Variants in KCNH5 observed in about 807,000 individuals in gnomAD.
The protein encoded by KCNH5 is voltage-gated delayed rectifier potassium channel KCNH5.
In KCNH5, 46 loss-of-function variants were observed where a neutral mutation model predicts 96.1. The ratio of observed to expected loss-of-function variants is 0.48; its 90% CI spans 0.38 to 0.61. The LOEUF (loss-of-function observed/expected upper bound fraction) is 0.61, where lower values mean the gene tolerates loss of function less well. Ranked by LOEUF, KCNH5 falls within the 20% of genes least tolerant of loss-of-function variation. The pLI, the probability that KCNH5 is intolerant of heterozygous loss-of-function variation, is 0.00. For synonymous variants in KCNH5, 439 were observed against 449.8 expected (o/e 0.98, Z 0.30); for missense variants, 907 against 1,225.8 (o/e 0.74, Z 3.88).
intron 10 of KCNH5, among the ~76,000 whole-genome samples, chr14:62,749,571 T>G (rs1252008963): frequency 1.3e-5 from 2 of 152,222 alleles, no homozygotes; most frequent in Non-Finnish European, 2.9e-5. Flanking sequence ...ATTCAAGAAG[T>G]GTGTTTTGCA....
At chr14:62,874,485 T>C (rs1376775994) in intron 7 of KCNH5, among the ~76,000 whole-genome samples, 1 of 152,120 alleles carries the variant, frequency 6.6e-6, no homozygotes, top group Non-Finnish European at 1.5e-5. Context: ...TCAGAAAGCT[T>C]ATCCACCACG....
chr14:62,770,733 ATGT>A (rs1382295286), intron 10 of KCNH5, among the ~76,000 whole-genome samples: 2 of 152,228 alleles, frequency 1.3e-5, no homozygotes, highest in African/African-American at 2.4e-5. Flanking sequence ...TCAGCACTGA[ATGT>A]TGTTGCTGCT....
At position 62,802,439 on chromosome 14, in the gene KCNH5, C is replaced by G. The variant is rs766461972; in HGVS notation, c.1712G>C (p.Cys571Ser). 1.9e-6 allele frequency: 3 copies of G among 1,614,132 alleles called. No homozygotes were observed. Among genetic ancestry groups the G allele is most frequent in the Non-Finnish European group, 8.5e-7 (1 of 1,180,016 alleles). Residue 571 changes from cysteine to serine, a missense_variant, in exon 9 of 11, where the codon TGT becomes TCT. Physicochemically the swap from Cys to Ser is moderately radical, Grantham distance 112. This residue lies in a region of KCNH5 where 20 missense variants were observed against 57.9 expected (regional missense o/e 0.35). Transcript: ENST00000322893. Reference protein sequence around the residue: ...ALAVEFQTIHCAPGDLIYHAG... With the variant: ...ALAVEFQTIHSAPGDLIYHAG... ...ATGGTAAATGAGGTCCCCGGGAGCACAGTGAATGGTTTGGAACTCTACCGC... is the reference window on the plus strand; with the variant it reads ...ATGGTAAATGAGGTCCCCGGGAGCAGAGTGAATGGTTTGGAACTCTACCGC...
intron 10 of KCNH5, among the ~76,000 whole-genome samples, chr14:62,762,654 C>T (rs1885776586): frequency 6.6e-6 from 1 of 151,918 alleles, no homozygotes; most frequent in South Asian, 2.1e-4. Context: ...CATGCAATGA[C>T]ATCCACAGGC....
intron 6 of KCNH5, among the ~76,000 whole-genome samples, chr14:62,955,304 C>T (rs1194686676): frequency 6.6e-6 from 1 of 152,156 alleles, no homozygotes; most frequent in Non-Finnish European, 1.5e-5. Flanking sequence ...GTGCCACACA[C>T]TTCTATGCAG....
At chr14:63,020,230 G>T (rs577557773) in intron 1 of KCNH5, among the ~76,000 whole-genome samples, 2 of 152,128 alleles carry the variant, frequency 1.3e-5, no homozygotes, top group African/African-American at 2.4e-5. Flanking sequence ...AATGTAAAAT[G>T]GTATGATCAC....
chr14:63,024,395 T>C (rs1891488275), intron 1 of KCNH5, among the ~76,000 whole-genome samples: 1 of 151,550 alleles, frequency 6.6e-6, no homozygotes, highest in South Asian at 2.1e-4. Context: ...AAGAACAAAC[T>C]AAGCCCAAAG....
intron 9 of KCNH5, among the ~76,000 whole-genome samples, chr14:62,794,510 CAG>C (rs1214831970): frequency 1.3e-5 from 2 of 151,770 alleles, no homozygotes; most frequent in Non-Finnish European, 2.9e-5. Flanking sequence ...CTTGATATTA[CAG>C]AGTTTCAGTT....
rs200303073 is a variant in KCNH5, at chr14:62,831,874, A to G, written c.1569+17779T>C. Among the ~76,000 whole-genome samples, 91 of 151,868 alleles carry G rather than the reference A, an allele frequency of 6.0e-4. 1 individual carries two copies. The East Asian group carries it at 0.016, about 28-fold the overall frequency. On this transcript the variant is annotated intron_variant, in intron 8 of 10. Transcript: ENST00000322893. ...CAGGCATGTGCCACCATGTCTGGCT[A>G]GTTTTTTTTCTTATTTTTTGTAGAG...
intron 7 of KCNH5, among the ~76,000 whole-genome samples, chr14:62,890,653 C>G (rs1399858386): frequency 6.9e-6 from 1 of 144,408 alleles, no homozygotes; most frequent in East Asian, 2.1e-4. Context: ...GAGCCGAGAT[C>G]GCGCCACTGC....
Position 62,981,030 on chromosome 14 carries a change from T to C in KCNH5, c.784A>G (p.Ile262Val). ...AAAGTCGTGTGAAAATTTAAAACGA[T>C]GTCAACCAGAAAAATAACGTCCACC... The part of the protein sequence containing the change: ...SVVDVIFLVD[I>V]VLNFHTTFVG... The change falls in exon 6 of 11, where the codon ATC (isoleucine) becomes GTC (valine). Residue 262 changes from isoleucine to valine, a missense_variant. Physicochemically the swap from Ile to Val is conservative, Grantham distance 29. Coordinates refer to ENST00000322893, the MANE Select transcript of KCNH5 (RefSeq NM_139318.5). 1 of 1,614,150 alleles carries C rather than the reference T, an allele frequency of 6.2e-7. No homozygotes were observed. Among genetic ancestry groups the C allele is most frequent in the Non-Finnish European group, 8.5e-7 (1 of 1,180,024 alleles).
chr14:62,772,521 C>T (rs1401637936), intron 10 of KCNH5, among the ~76,000 whole-genome samples: 2 of 151,718 alleles, frequency 1.3e-5, no homozygotes, highest in East Asian at 3.9e-4. Flanking sequence ...CCTGTAATCC[C>T]AGCTACTCAG....
intron 6 of KCNH5, among the ~76,000 whole-genome samples, chr14:62,961,816 G>A (rs1400313437): frequency 6.6e-6 from 1 of 151,908 alleles, no homozygotes; most frequent in Admixed American, 6.6e-5. Context: ...AGATGGAGAT[G>A]GAGATGCAGA....
intron 8 of KCNH5, among the ~76,000 whole-genome samples, chr14:62,841,524 G>GTA (rs139758930): frequency 0.11 from 16,356 of 152,052 alleles, 1,104 homozygotes; most frequent in East Asian, 0.29. Flanking sequence ...TGTACAATGT[G>GTA]TATATATATA....
At chr14:62,998,761 T>C (rs1365587259) in intron 4 of KCNH5, among the ~76,000 whole-genome samples, 7 of 152,308 alleles carry the variant, frequency 4.6e-5, no homozygotes, top group African/African-American at 1.4e-4. Context: ...CTTCCAGATA[T>C]CTTTCTATTA....
chr14:62,933,550 T>A (rs1889620962), intron 7 of KCNH5, among the ~76,000 whole-genome samples: 1 of 152,012 alleles, frequency 6.6e-6, no homozygotes, highest in South Asian at 2.1e-4. Context: ...ATAATTTTAT[T>A]TTCATCTTCC....
At chr14:62,796,920 T>A (rs1459716431) in intron 9 of KCNH5, among the ~76,000 whole-genome samples, 2 of 152,158 alleles carry the variant, frequency 1.3e-5, no homozygotes, top group Middle Eastern at 3.2e-3. Context: ...GTTGCATTCT[T>A]TTGAGTTTCT....
chr14:62,852,459 A>C (rs914158634), intron 7 of KCNH5, among the ~76,000 whole-genome samples: 8 of 152,264 alleles, frequency 5.3e-5, no homozygotes, highest in Non-Finnish European at 2.9e-5. Context: ...ACTCAAAAGA[A>C]GTTGCAGAAA....
intron 6 of KCNH5, among the ~76,000 whole-genome samples, chr14:62,958,523 TTC>T (rs1420563662): frequency 6.6e-6 from 1 of 152,214 alleles, no homozygotes; most frequent in African/African-American, 2.4e-5. Context: ...TCATGGCTGC[TTC>T]TCTGTCAAGA....
Sources: gnomAD v4.1 joint callset for allele counts (sites outside exome capture counted in the v4.1 genomes callset) on GRCh38, gnomAD v4.1.1 for gene constraint, gnomAD v4.1.1 regional missense constraint, MANE v1.5 for transcripts, NCBI Gene and HGNC (gene_info 2026-07-23, HGNC 2026-07-21) for gene names.